CACNA2D3: variants seen among roughly 807,000 people sequenced by gnomAD.
The protein encoded by CACNA2D3 is calcium voltage-gated channel auxiliary subunit alpha2delta 3.
Under a neutral mutation model 160.6 loss-of-function variants are expected in CACNA2D3, and 60 were observed. The ratio of observed to expected loss-of-function variants is 0.37; its 90% CI spans 0.30 to 0.46. The LOEUF is 0.46. Ranked by LOEUF, CACNA2D3 falls within the 20% of genes least tolerant of loss-of-function variation. The pLI is 1.00. For missense variants in CACNA2D3, 1,205 were observed against 1,365.0 expected (o/e 0.88, Z 1.85); for synonymous variants, 558 against 492.9 (o/e 1.13, Z -1.75).
intron 21 of CACNA2D3, among the ~76,000 whole-genome samples, chr3:54,881,273 C>CATGA (rs1182893731): frequency 6.6e-6 from 1 of 152,076 alleles, no homozygotes; most frequent in Non-Finnish European, 1.5e-5. Context: ...CAGGGGAAAC[C>CATGA]ATGAAAACAG....
At chr3:54,957,088 G>A (rs1701916283) in intron 27 of CACNA2D3, among the ~76,000 whole-genome samples, 1 of 152,224 alleles carries the variant, frequency 6.6e-6, no homozygotes, top group African/African-American at 2.4e-5. Context: ...CTTCATAAAT[G>A]GGATTAATTA....
At chr3:54,580,048 C>T (rs1162377824) in intron 8 of CACNA2D3, among the ~76,000 whole-genome samples, 1 of 152,056 alleles carries the variant, frequency 6.6e-6, no homozygotes, top group African/African-American at 2.4e-5. Context: ...TTGTGAGTGG[C>T]AGTGAGGTCA....
rs1001753306 is a variant in CACNA2D3 at position 54,996,269 on chromosome 3, A to G, written c.2691-8494A>G. 2.6e-5 allele frequency among the ~76,000 whole-genome samples: 4 copies of G among 152,234 alleles called. No individual in the cohort carries two copies. The East Asian group carries it at 7.7e-4, about 29-fold the overall frequency. On this transcript the variant is annotated intron_variant, in intron 31 of 37. Transcript: ENST00000474759. ...TGGGTTTTGCATTAACTCATTCCCA[A>G]AGCAGAATTCAGCTTTTTCCTTCTA...
chr3:55,072,832 CAG>C (rs1181401380), intron 35 of CACNA2D3, among the ~76,000 whole-genome samples: 1 of 152,186 alleles, frequency 6.6e-6, no homozygotes, highest in Non-Finnish European at 1.5e-5. Context: ...ATCAGAAGGT[CAG>C]AGCAGATATA....
chr3:55,005,697 C>G (rs968208368), intron 32 of CACNA2D3, among the ~76,000 whole-genome samples: 3 of 152,124 alleles, frequency 2.0e-5, no homozygotes, highest in African/African-American at 7.2e-5. Context: ...TTACCACTTA[C>G]TCCCAAATTA....
At chr3:54,289,378 C>G (rs1703122568) in intron 2 of CACNA2D3, among the ~76,000 whole-genome samples, 1 of 152,064 alleles carries the variant, frequency 6.6e-6, no homozygotes, top group Admixed American at 6.5e-5. Context: ...TCAAGGAGAA[C>G]TACAAACCAC....
At chr3:54,993,907 T>C (rs1014043314) in intron 31 of CACNA2D3, among the ~76,000 whole-genome samples, 2 of 148,610 alleles carry the variant, frequency 1.3e-5, no homozygotes, top group Non-Finnish European at 3.0e-5. Flanking sequence ...TGTGTGTGTG[T>C]GTGTGTGTGT....
At chr3:54,574,989 G>A (rs376992672) in intron 8 of CACNA2D3, among the ~76,000 whole-genome samples, 7 of 152,184 alleles carry the variant, frequency 4.6e-5, no homozygotes, top group African/African-American at 7.2e-5. Flanking sequence ...TAAAGTAATC[G>A]ATTCCGTATT....
Position 54,862,282 on chromosome 3 carries a change from A to G in CACNA2D3, c.1627-9257A>G, listed in dbSNP as rs575760593. The stretch of plus-strand genomic sequence containing the variant: ...GGTGGCCACAAAGATGGAGCCCTTC[A>G]TGTCTTTTCTTCCTTCATAAGTATC... On this transcript the variant is annotated intron_variant, in intron 17 of 37. Coordinates refer to ENST00000474759, the MANE Select transcript of CACNA2D3 (RefSeq NM_018398.3). Among the ~76,000 whole-genome samples the G allele has an allele frequency of 9.8e-5, 15 of 152,286 alleles. No homozygotes were observed. In the East Asian group the frequency reaches 2.7e-3, roughly 28 times the overall value.
rs370868414 is a variant in CACNA2D3 at position 54,578,568 on chromosome 3, T to A, written c.889-3235T>A. Among the ~76,000 whole-genome samples, 18 of 152,288 alleles carry A rather than the reference T, an allele frequency of 1.2e-4. No individual in the cohort carries two copies. The East Asian group carries it at 3.1e-3, about 26-fold the overall frequency. On this transcript the variant is annotated intron_variant, in intron 8 of 37. Coordinates refer to ENST00000474759, the MANE Select transcript of CACNA2D3 (RefSeq NM_018398.3). ...AGTACAGCTGCCTGGTGTGCACAGT[T>A]CCCTTACACACATGGCTGAGCCCGG...
At chr3:54,292,927 A>G (rs538484413) in intron 2 of CACNA2D3, among the ~76,000 whole-genome samples, 63 of 152,362 alleles carry the variant, frequency 4.1e-4, no homozygotes, top group Non-Finnish European at 6.5e-4. Flanking sequence ...AAACAGCCCG[A>G]ATGTGCATCA....
chr3:55,045,251 T>G (rs1262388860), intron 35 of CACNA2D3, among the ~76,000 whole-genome samples: 1 of 152,156 alleles, frequency 6.6e-6, no homozygotes, highest in African/African-American at 2.4e-5. Context: ...GGTTTCACCA[T>G]GCTGGCTAGG....
intron 12 of CACNA2D3, among the ~76,000 whole-genome samples, chr3:54,762,187 T>G (rs918478832): frequency 5.9e-5 from 9 of 152,176 alleles, no homozygotes; most frequent in Admixed American, 5.2e-4. Flanking sequence ...GTGACAGTCC[T>G]CCTGCCCATT....
At chr3:54,866,570 A>G (rs572672988) in intron 17 of CACNA2D3, among the ~76,000 whole-genome samples, 2 of 152,316 alleles carry the variant, frequency 1.3e-5, no homozygotes, top group South Asian at 2.1e-4. Flanking sequence ...TAGATTATCA[A>G]TTATTAGCAC....
At chr3:54,137,697 G>C (rs1699842248) in intron 2 of CACNA2D3, among the ~76,000 whole-genome samples, 1 of 152,170 alleles carries the variant, frequency 6.6e-6, no homozygotes, top group Non-Finnish European at 1.5e-5. Context: ...GTGCAGGCTG[G>C]TATTTTGTAC....
intron 11 of CACNA2D3, among the ~76,000 whole-genome samples, chr3:54,708,206 A>G (rs1700891104): frequency 6.6e-6 from 1 of 152,224 alleles, no homozygotes; most frequent in South Asian, 2.1e-4. Context: ...CTAACTGAAT[A>G]ATCCATTCTA....
chr3:54,539,214 G>C (rs1575510825), intron 5 of CACNA2D3, among the ~76,000 whole-genome samples: 1 of 152,192 alleles, frequency 6.6e-6, no homozygotes, highest in African/African-American at 2.4e-5. Flanking sequence ...TTCCTCATTT[G>C]TAAGTGTGCA....
At chr3:54,559,449 C>T (rs1039367153) in intron 5 of CACNA2D3, among the ~76,000 whole-genome samples, 4 of 152,068 alleles carry the variant, frequency 2.6e-5, no homozygotes, top group South Asian at 2.1e-4. Flanking sequence ...CCCGCCACCA[C>T]GCCCAGCTAG....
chr3:54,360,380 T>G (rs971900718), intron 3 of CACNA2D3, among the ~76,000 whole-genome samples: 4 of 152,198 alleles, frequency 2.6e-5, no homozygotes, highest in Non-Finnish European at 4.4e-5. Context: ...AGGAATCAAT[T>G]CTGACTTGAA....
Sources: allele counts gnomAD v4.1 joint callset (sites outside exome capture counted in the v4.1 genomes callset), GRCh38; gene constraint gnomAD v4.1.1; transcripts MANE v1.5; gene names NCBI Gene and HGNC (gene_info 2026-07-23, HGNC 2026-07-21).